The following KLHL1 variants were observed in gnomAD, a reference collection of about 807,000 sequenced individuals.
KLHL1 encodes kelch like family member 1, also known as kelch-like protein 1.
In KLHL1, 47 loss-of-function variants were observed where a neutral mutation model predicts 77.7. The ratio of observed to expected loss-of-function variants is 0.60; its 90% confidence interval spans 0.48 to 0.77. KLHL1 has a LOEUF of 0.77. KLHL1 is among the 30% of genes least tolerant of loss of function. The pLI is 0.00. For synonymous variants in KLHL1, 360 were observed against 325.2 expected (o/e 1.11, Z -1.15); for missense variants, 925 against 910.8 (o/e 1.02, Z -0.20).
intron 1 of KLHL1, among the ~76,000 whole-genome samples, chr13:70,037,975 A>G (rs1160897054): frequency 6.6e-6 from 1 of 152,154 alleles, no homozygotes; most frequent in Non-Finnish European, 1.5e-5. Flanking sequence ...ATCTGTGAGT[A>G]CAATTTTTCT....
chr13:69,967,538 T>G (rs779924215), intron 2 of KLHL1, among the ~76,000 whole-genome samples: 1 of 152,198 alleles, frequency 6.6e-6, no homozygotes, highest in African/African-American at 2.4e-5. Context: ...AGATGGTGTC[T>G]ACTCCTGGTG....
intron 4 of KLHL1, among the ~76,000 whole-genome samples, chr13:69,926,968 A>AAAAAAAAAAC (rs1410910058): frequency 1.3e-5 from 2 of 149,960 alleles, no homozygotes; most frequent in Admixed American, 6.7e-5. Flanking sequence ...AAAAAAAAAA[A>AAAAAAAAAAC]AAGCAGAGAA....
At position 69,926,946 on chromosome 13, in the gene KLHL1, C is replaced by CAA. The variant is rs71116960; in HGVS notation, c.1014+13092_1014+13093dup. On this transcript the variant is annotated intron_variant, in intron 4 of 10. Coordinates refer to ENST00000377844, the MANE Select transcript of KLHL1 (RefSeq NM_020866.3). ...TGGGTGACAGAGTGAGACTCCATCT[C>CAA]AAAAAAAAAAAAAAAAAAAAAAAAG... Among the ~76,000 whole-genome samples the CAA allele has an allele frequency of 4.0e-3, 144 of 36,010 alleles. 21 individuals are homozygous for CAA. The highest frequency in any genetic ancestry group is 0.017 in the African/African-American group (129 of 7,778). 23.6% of individuals were successfully genotyped at this position (36,010 alleles called of 152,430 possible).
At chr13:70,047,867 AG>A (rs930089426) in intron 1 of KLHL1, among the ~76,000 whole-genome samples, 1 of 152,234 alleles carries the variant, frequency 6.6e-6, no homozygotes, top group African/African-American at 2.4e-5. Flanking sequence ...CTACATATAA[AG>A]GGGGAAGTGC....
intron 4 of KLHL1, among the ~76,000 whole-genome samples, chr13:69,916,675 G>A (rs2138255425): frequency 6.6e-6 from 1 of 151,836 alleles, no homozygotes; most frequent in East Asian, 1.9e-4. Flanking sequence ...CACCAGCATG[G>A]TACATGTATA....
At chr13:69,835,823 G>GAA (rs151233862) in intron 6 of KLHL1, among the ~76,000 whole-genome samples, 3 of 150,784 alleles carry the variant, frequency 2.0e-5, no homozygotes, top group African/African-American at 7.3e-5. Flanking sequence ...TGGACAGAAT[G>GAA]AAAAAAAATA....
chr13:70,036,326 G>A (rs1886237531), intron 1 of KLHL1, among the ~76,000 whole-genome samples: 1 of 151,810 alleles, frequency 6.6e-6, no homozygotes, highest in Non-Finnish European at 1.5e-5. Flanking sequence ...TAATGTATAT[G>A]TAAATATAAG....
intron 1 of KLHL1, among the ~76,000 whole-genome samples, chr13:70,007,367 T>TA (rs1885430464): frequency 1.3e-5 from 2 of 151,828 alleles, no homozygotes; most frequent in African/African-American, 4.8e-5. Flanking sequence ...TACATATACA[T>TA]CTATATAGGT....
At chr13:69,749,589 T>C (rs531612374) in intron 7 of KLHL1, among the ~76,000 whole-genome samples, 3 of 152,158 alleles carry the variant, frequency 2.0e-5, no homozygotes, top group African/African-American at 7.2e-5. Flanking sequence ...TTAATTTTCA[T>C]GTAACATGGC....
At chr13:69,903,656 T>G in intron 4 of KLHL1, among the ~76,000 whole-genome samples, 1 of 133,928 alleles carries the variant, frequency 7.5e-6, no homozygotes, top group African/African-American at 2.8e-5. Context: ...TTTTTTTTTT[T>G]TTTTGAGATG....
At position 69,970,058 on chromosome 13, in the gene KLHL1, T is replaced by C. The variant is rs561602829; in HGVS notation, c.680+5562A>G. Among the ~76,000 whole-genome samples, 58 of 152,286 alleles carry C rather than the reference T, an allele frequency of 3.8e-4. No homozygotes were observed. The South Asian group carries it at 0.012, about 31-fold the overall frequency. On this transcript the variant is annotated intron_variant, in intron 2 of 10. Transcript: ENST00000377844. Reference sequence around the variant, plus strand: ...CTTATCCCAGCTTACCTCTGATTCATTGACTTTTCTTCCTGGGTCTAGTCT... The same window carrying C: ...CTTATCCCAGCTTACCTCTGATTCACTGACTTTTCTTCCTGGGTCTAGTCT...
At chr13:69,955,942 A>ATT (rs1326493302) in intron 3 of KLHL1, among the ~76,000 whole-genome samples, 1 of 90,804 alleles carries the variant, frequency 1.1e-5, no homozygotes, top group Non-Finnish European at 2.6e-5. Context: ...TTTGATATAT[A>ATT]TTTATATATA....
At chr13:69,861,785 T>TAAAAAAAAAAAAA (rs34408474) in intron 5 of KLHL1, among the ~76,000 whole-genome samples, 2 of 86,018 alleles carry the variant, frequency 2.3e-5, no homozygotes, top group Non-Finnish European at 4.3e-5. Context: ...CCGTCTCTAC[T>TAAAAAAAAAAAAA]AAAAAAAAAA....
intron 1 of KLHL1, among the ~76,000 whole-genome samples, chr13:70,086,827 T>C (rs1236952701): frequency 6.6e-6 from 1 of 151,956 alleles, no homozygotes; most frequent in African/African-American, 2.4e-5. Flanking sequence ...CTGAAATAAA[T>C]ATCATTTTGA....
chr13:69,783,731 A>G (rs970460323), intron 7 of KLHL1, among the ~76,000 whole-genome samples: 1 of 130,290 alleles, frequency 7.7e-6, no homozygotes, highest in Non-Finnish European at 1.7e-5. Flanking sequence ...GACGGGGACA[A>G]TGGAACCAAG....
In KLHL1 at chr13:69,973,595, G is replaced by T. The variant is rs956517565; in HGVS notation, c.680+2025C>A. 4.6e-5 allele frequency among the ~76,000 whole-genome samples: 7 copies of T among 151,800 alleles called. No individual in the cohort carries two copies. In the East Asian group the frequency reaches 1.4e-3, roughly 29 times the overall value. On this transcript the variant is annotated intron_variant, in intron 2 of 10. Transcript: ENST00000377844. The stretch of plus-strand genomic sequence containing the variant: ...ATACTAAAAGTATTAAAATGTATTA[G>T]TTTATTACTAATGATTATTCATTTT...
intron 7 of KLHL1, among the ~76,000 whole-genome samples, chr13:69,747,019 G>T (rs1467192677): frequency 1.3e-5 from 2 of 151,960 alleles, no homozygotes; most frequent in Non-Finnish European, 2.9e-5. Context: ...GAAGAAAGAA[G>T]AAACAAATAA....
chr13:70,035,233 C>T (rs1886210042), intron 1 of KLHL1, among the ~76,000 whole-genome samples: 1 of 152,038 alleles, frequency 6.6e-6, no homozygotes, highest in African/African-American at 2.4e-5. Context: ...TACACATACA[C>T]AGTGGAGTAC....
chr13:69,721,817 T>C (rs1873077914), intron 8 of KLHL1, among the ~76,000 whole-genome samples: 1 of 152,088 alleles, frequency 6.6e-6, no homozygotes, highest in African/African-American at 2.4e-5. Context: ...TACTCACAAG[T>C]AGTCTGCTAA....
Sources: allele counts gnomAD v4.1 joint callset (sites outside exome capture counted in the v4.1 genomes callset), GRCh38; gene constraint gnomAD v4.1.1; transcripts MANE v1.5; gene names NCBI Gene and HGNC (gene_info 2026-07-23, HGNC 2026-07-21).